ACSS2: variants seen among roughly 807,000 people sequenced by gnomAD.
The protein encoded by ACSS2 is acetyl-coenzyme A synthetase, cytoplasmic.
ACSS2 carries 58 observed loss-of-function variants against 90.6 expected under a neutral mutation model. The observed-to-expected ratio is 0.64, with a 90% confidence interval of 0.52 to 0.80. The LOEUF (loss-of-function observed/expected upper bound fraction) is 0.80, where lower values mean the gene tolerates loss of function less well. Ranked by LOEUF, ACSS2 falls within the 30% of genes least tolerant of loss-of-function variation. ACSS2 has a pLI of 0.00. For synonymous variants in ACSS2, 300 were observed against 330.9 expected (o/e 0.91, Z 1.01); for missense variants, 759 against 912.0 (o/e 0.83, Z 2.16).
At chr20:34,882,283 ATT>A (rs1175675796) in intron 1 of ACSS2, among the ~76,000 whole-genome samples, 1 of 152,184 alleles carries the variant, frequency 6.6e-6, no homozygotes, top group Non-Finnish European at 1.5e-5. Context: ...AGGAGGAAGA[ATT>A]TGAGTCAAGA....
chr20:34,900,257 G>C (rs953203398), intron 2 of ACSS2, among the ~76,000 whole-genome samples: 2 of 138,900 alleles, frequency 1.4e-5, no homozygotes, highest in African/African-American at 5.4e-5. Context: ...TACGACCTCT[G>C]CCTCCCAGGT....
intron 2 of ACSS2, among the ~76,000 whole-genome samples, chr20:34,888,447 G>A (rs1462656843): frequency 6.6e-6 from 1 of 152,208 alleles, no homozygotes; most frequent in Non-Finnish European, 1.5e-5. Flanking sequence ...TATTGGAACA[G>A]TGAGAAGACC....
At chr20:34,912,305 A>G (rs1461672791) in intron 2 of ACSS2, among the ~76,000 whole-genome samples, 1 of 152,206 alleles carries the variant, frequency 6.6e-6, no homozygotes, top group Non-Finnish European at 1.5e-5. Flanking sequence ...TATTTATTCA[A>G]GATGGAAACT....
chr20:34,927,534 G>T lies in ACSS2; in HGVS notation c.*320G>T. On this transcript the variant is annotated 3_prime_UTR_variant, in exon 18 of 18. Coordinates refer to ENST00000360596, the MANE Select transcript of ACSS2 (RefSeq NM_018677.4). The surrounding 1 kb of genome is among the most constrained non-coding windows in gnomAD (Gnocchi z 4.2). ...GATGTGAGGGCCTCCACTGAAGCAG[G>T]GAGGCAGCTGTGTAATCCTATGTCA... The T allele has an allele frequency of 2.8e-6, 1 of 355,080 alleles. No individual in the cohort carries two copies. Among genetic ancestry groups the T allele is most frequent in the East Asian group, 5.1e-5 (1 of 19,766 alleles). The allele number at this position is 355,080 out of a possible 1,614,324, so 22.0% of individuals were successfully genotyped here. A position where few individuals can be genotyped will look rare whatever the true frequency, so the allele number is the denominator to read the frequency against.
At chr20:34,925,554 T>C in intron 14 of ACSS2, 144 bp from the exon 15 acceptor site, 1 of 781,854 alleles carries the variant, frequency 1.3e-6, no homozygotes, top group African/African-American at 1.7e-5. Context: ...TGGTGCCCTC[T>C]TGGAGGCTGG....
At chr20:34,910,699 G>A (rs1180986160) in intron 2 of ACSS2, among the ~76,000 whole-genome samples, 1 of 152,212 alleles carries the variant, frequency 6.6e-6, no homozygotes, top group East Asian at 1.9e-4. Flanking sequence ...CCAGTAGGCA[G>A]GGTGATTGGG....
At chr20:34,879,873 C>T (rs763818190) in intron 1 of ACSS2, among the ~76,000 whole-genome samples, 17 of 152,300 alleles carry the variant, frequency 1.1e-4, no homozygotes, top group Non-Finnish European at 2.2e-4. Flanking sequence ...TTATTAGCTG[C>T]GTGGTCCTTG....
At chr20:34,902,321 TAAC>T (rs1419684897) in intron 2 of ACSS2, among the ~76,000 whole-genome samples, 3 of 152,088 alleles carry the variant, frequency 2.0e-5, no homozygotes, top group Non-Finnish European at 4.4e-5. Context: ...TTAATAATAT[TAAC>T]AATAACAATA....
chr20:34,885,049 A>G (rs2080156832), intron 2 of ACSS2, among the ~76,000 whole-genome samples: 4 of 151,930 alleles, frequency 2.6e-5, no homozygotes, highest in Admixed American at 2.6e-4. Context: ...AAAAGACAAA[A>G]ATTAGCTGGG....
At chr20:34,903,731 C>G (rs746609366) in intron 2 of ACSS2, among the ~76,000 whole-genome samples, 1 of 151,898 alleles carries the variant, frequency 6.6e-6, no homozygotes, top group Non-Finnish European at 1.5e-5. Context: ...AATTCAATGA[C>G]TATCGTTCTC....
intron 2 of ACSS2, among the ~76,000 whole-genome samples, chr20:34,892,430 TC>T: frequency 6.6e-6 from 1 of 151,842 alleles, no homozygotes; most frequent in Non-Finnish European, 1.5e-5. Context: ...TTGGTCCAAT[TC>T]CCACACAAAT....
chr20:34,913,640 T>G, intron 4 of ACSS2, 113 bp from the exon 5 acceptor site: 1 of 1,279,080 alleles, frequency 7.8e-7, no homozygotes, highest in South Asian at 1.2e-5. Context: ...GTTATTCAGT[T>G]TCTTCTAGGA....
rs1027425106 is a variant in ACSS2 at position 34,882,870 on chromosome 20, T to C, written c.255T>C (p.Asp85=). The C allele has an allele frequency of 4.3e-6, 7 of 1,613,854 alleles. No individual in the cohort carries two copies. The African/African-American group carries it at 8.0e-5, about 18-fold the overall frequency. Residue 85 remains aspartate (D), a synonymous_variant, in exon 2 of 18, where the codon GAT becomes GAC. Transcript: ENST00000360596. ...GCCCATTCCTTCGGTACAACTTTGA[T>C]GTGACTAAAGGGAAAATCTTCATTG... The part of the protein sequence containing the change: ...CPGPFLRYNF[D]VTKGKIFIEW...
chr20:34,896,820 G>GGA (rs1454895846), intron 2 of ACSS2, among the ~76,000 whole-genome samples: 2 of 152,188 alleles, frequency 1.3e-5, no homozygotes, highest in Non-Finnish European at 1.5e-5. Flanking sequence ...AAGGCGGGCG[G>GGA]ATCACTTGAG....
chr20:34,886,601 G>GT (rs2080198830), intron 2 of ACSS2, among the ~76,000 whole-genome samples: 1 of 152,222 alleles, frequency 6.6e-6, no homozygotes, highest in South Asian at 2.1e-4. Context: ...TCCAGCCTGG[G>GT]TGACAGAGCA....
rs189632013 is a variant in ACSS2 at position 34,884,550 on chromosome 20, G to C, written c.374+1561G>C. The stretch of plus-strand genomic sequence containing the variant: ...AATCAAATGAGATAACGTTGTAAAA[G>C]CACTTATTTGTTTATTGGAAAACAC... On this transcript the variant is annotated intron_variant, in intron 2 of 17. Coordinates refer to ENST00000360596, the MANE Select transcript of ACSS2 (RefSeq NM_018677.4). 1.7e-3 allele frequency among the ~76,000 whole-genome samples: 257 copies of C among 152,278 alleles called. 3 individuals are homozygous for C. The highest frequency in any genetic ancestry group is 3.4e-3 in the Middle Eastern group (1 of 294).
At chr20:34,915,426 C>A (rs892498486) in intron 7 of ACSS2, among the ~76,000 whole-genome samples, 1 of 152,162 alleles carries the variant, frequency 6.6e-6, no homozygotes, top group East Asian at 1.9e-4. Flanking sequence ...AATTAAATGT[C>A]CGTTACTGCC....
At chr20:34,882,107 C>T (rs1008313736) in intron 1 of ACSS2, among the ~76,000 whole-genome samples, 1 of 152,174 alleles carries the variant, frequency 6.6e-6, no homozygotes, top group Non-Finnish European at 1.5e-5. Context: ...ATCCCAGCTT[C>T]TTGGGAGGCT....
chr20:34,892,251 A>G (rs902284631), intron 2 of ACSS2, among the ~76,000 whole-genome samples: 2 of 152,168 alleles, frequency 1.3e-5, no homozygotes, highest in African/African-American at 4.8e-5. Flanking sequence ...GCCTTATGGC[A>G]GCCCCACATT....
Sources: gnomAD v4.1 joint callset for allele counts (sites outside exome capture counted in the v4.1 genomes callset) on GRCh38, gnomAD v4.1.1 for gene constraint, Gnocchi (gnomAD v3.1) non-coding constraint, MANE v1.5 for transcripts, NCBI Gene and HGNC (gene_info 2026-07-23, HGNC 2026-07-21) for gene names.